The following LYPLA1 variants were observed in gnomAD, a reference collection of about 807,000 sequenced individuals.
LYPLA1 encodes acyl-protein thioesterase 1.
LYPLA1 carries 17 observed loss-of-function variants against 34.0 expected under a neutral mutation model. The observed-to-expected ratio is 0.50, with a 90% CI of 0.34 to 0.75. The LOEUF (loss-of-function observed/expected upper bound fraction) is 0.75. Among genes scored for constraint, LYPLA1 ranks in the 30% least tolerant of loss-of-function variants. The pLI is 0.01. For missense variants in LYPLA1, 203 were observed against 288.8 expected (o/e 0.70, Z 2.15); for synonymous variants, 98 against 100.8 (o/e 0.97, Z 0.17).
rs1327761962 is a variant in LYPLA1 at position 54,100,922 on chromosome 8, T to A, written c.87A>T (p.Gly29=). Residue 29 remains glycine, a synonymous_variant, in exon 2 of 9, where the codon GGA becomes GGT. Transcript: ENST00000316963. ...ATGGTACCTACCCAGTATCTCCCAA[T>A]CCATGCAGGAAAATCACCTATAAGA... ...KATAAVIFLH[G]LGDTGHGWAE... 1.2e-6 allele frequency: 2 copies of A among 1,609,870 alleles called. No individual in the cohort carries two copies. The highest frequency in any genetic ancestry group is 1.7e-6 in the Non-Finnish European group (2 of 1,176,276).
chr8:54,073,421 G>A (rs1254622772), intron 2 of LYPLA1: 3 of 775,250 alleles, frequency 3.9e-6, no homozygotes, highest in East Asian at 2.4e-5. Flanking sequence ...GGCCAGCTCC[G>A]CTGCTTTCCT....
intron 7 of LYPLA1, among the ~76,000 whole-genome samples, chr8:54,051,979 T>C (rs776904496): frequency 9.9e-5 from 15 of 151,686 alleles, no homozygotes; most frequent in South Asian, 2.1e-4. Flanking sequence ...GCCTCCTGAG[T>C]AGCTGGGATT....
chr8:54,044,000 T>C (rs1805426534), downstream of LYPLA1, among the ~76,000 whole-genome samples: 1 of 152,072 alleles, frequency 6.6e-6, no homozygotes, highest in Non-Finnish European at 1.5e-5. Flanking sequence ...CAAGTGATTG[T>C]CTTGCCTCAG....
intron 2 of LYPLA1, among the ~76,000 whole-genome samples, chr8:54,066,908 C>G (rs1360821371): frequency 1.3e-5 from 2 of 152,310 alleles, no homozygotes; most frequent in East Asian, 3.8e-4. Context: ...GGCACAGTGG[C>G]TCATGCTTAC....
chr8:54,069,381 TG>T (rs779105691), intron 2 of LYPLA1, among the ~76,000 whole-genome samples: 3 of 152,130 alleles, frequency 2.0e-5, no homozygotes, highest in Non-Finnish European at 2.9e-5. Flanking sequence ...TGAACAATTA[TG>T]TATCAACTAA....
intron 2 of LYPLA1, among the ~76,000 whole-genome samples, chr8:54,098,820 A>G (rs886538416): frequency 6.6e-6 from 1 of 152,254 alleles, no homozygotes; most frequent in Non-Finnish European, 1.5e-5. Flanking sequence ...AACTGCAGGT[A>G]AGGGGAGACT....
chr8:54,092,914 G>A (rs2129367056), intron 2 of LYPLA1, among the ~76,000 whole-genome samples: 1 of 152,310 alleles, frequency 6.6e-6, no homozygotes, highest in African/African-American at 2.4e-5. Context: ...TAATATGGGT[G>A]TAGAACAGAG....
chr8:54,066,724 T>C (rs1563597569), intron 2 of LYPLA1, among the ~76,000 whole-genome samples: 1 of 150,050 alleles, frequency 6.7e-6, no homozygotes, highest in Non-Finnish European at 1.5e-5. Context: ...GAGGCTGCAG[T>C]GAGCCGAGAT....
chr8:54,100,794 T>C (rs1273629193), intron 2 of LYPLA1, 114 bp downstream of exon 2: 11 of 838,536 alleles, frequency 1.3e-5, no homozygotes, highest in Non-Finnish European at 2.2e-5. Flanking sequence ...ATACATTAAC[T>C]GGCAATCTTA....
At chr8:54,054,162 T>C (rs1806039617) in intron 6 of LYPLA1, among the ~76,000 whole-genome samples, 1 of 152,110 alleles carries the variant, frequency 6.6e-6, no homozygotes, top group African/African-American at 2.4e-5. Flanking sequence ...TTTGTATTTT[T>C]AGTAGAGACA....
chr8:54,065,747 C>T lies in LYPLA1; in HGVS notation c.167+1G>A, dbSNP rs1346569181. On this transcript the variant is annotated splice_donor_variant, in intron 3 of 8. Transcript: ENST00000316963. LOFTEE classifies it high-confidence loss of function. ...CAAGCCTGAAGATCAGAAATACTCA[C>T]GCATGCGGGCAGATATATTTGATAT... 5.6e-6 allele frequency: 9 copies of T among 1,612,570 alleles called. No individual in the cohort carries two copies. Among genetic ancestry groups the T allele is most frequent in the East Asian group, 2.2e-5 (1 of 44,874 alleles).
downstream of LYPLA1, among the ~76,000 whole-genome samples, chr8:54,043,568 C>T (rs1805421967): frequency 6.6e-6 from 1 of 151,608 alleles, no homozygotes; most frequent in Non-Finnish European, 1.5e-5. Flanking sequence ...ACCACCGCAC[C>T]TGACCCTATT....
chr8:54,086,555 CA>C (rs1220626412), intron 2 of LYPLA1, among the ~76,000 whole-genome samples: 5,590 of 64,538 alleles, frequency 0.087, 449 homozygotes, highest in African/African-American at 0.29. Flanking sequence ...CAAAGGGTAC[CA>C]AAAAAAAAAA....
At chr8:54,060,818 G>C (rs1332953976) in intron 5 of LYPLA1, among the ~76,000 whole-genome samples, 1 of 143,904 alleles carries the variant, frequency 6.9e-6, no homozygotes, top group Admixed American at 7.1e-5. Flanking sequence ...TCAGCCTCCT[G>C]AGTAACTGGG....
intron 1 of LYPLA1, chr8:54,101,252 T>A (rs985234725): frequency 1.4e-6 from 1 of 725,354 alleles, no homozygotes. Flanking sequence ...ACATCTCACA[T>A]ATCCTGTAGA....
Position 54,086,578 on chromosome 8 carries a change from A to G in LYPLA1, c.101+14330T>C, listed in dbSNP as rs1019895270. Among the ~76,000 whole-genome samples the G allele has an allele frequency of 1.2e-4, 17 of 139,518 alleles. No individual in the cohort carries two copies. The East Asian group carries it at 3.9e-3, about 32-fold the overall frequency. 91.5% of individuals were successfully genotyped at this position (139,518 alleles called of 152,430 possible). A position where few individuals can be genotyped will look rare whatever the true frequency, so the allele number is the denominator to read the frequency against. On this transcript the variant is annotated intron_variant, in intron 2 of 8. Transcript: ENST00000316963. Reference sequence around the variant, plus strand: ...ACCAAAAAAAAAAAAAAAAAAAAAAAGACAGCCAGGTGTGATGGCTCACAC... The same window carrying G: ...ACCAAAAAAAAAAAAAAAAAAAAAAGGACAGCCAGGTGTGATGGCTCACAC...
At position 54,084,133 on chromosome 8, in the gene LYPLA1, A is replaced by AAAATATATAT. The variant is rs1373090573; in HGVS notation, c.101+16774_101+16775insATATATATTT. ...AGCCTGGGAGACCAAAGAAAAAAAA[A>AAAATATATAT]ATAAATAAATATATATATATATATA... is the stretch of plus-strand genomic sequence containing the variant. On this transcript the variant is annotated intron_variant, in intron 2 of 8. Coordinates refer to ENST00000316963, the MANE Select transcript of LYPLA1 (RefSeq NM_006330.4). 1.7e-5 allele frequency among the ~76,000 whole-genome samples: 2 copies of AAAATATATAT among 120,482 alleles called. 1 individual carries two copies. Among genetic ancestry groups the AAAATATATAT allele is most frequent in the African/African-American group, 9.2e-5 (2 of 21,624 alleles). 79.0% of individuals were successfully genotyped at this position (120,482 alleles called of 152,430 possible).
At chr8:54,072,524 T>G (rs189599560) in intron 2 of LYPLA1, among the ~76,000 whole-genome samples, 13 of 152,144 alleles carry the variant, frequency 8.5e-5, no homozygotes, top group Admixed American at 8.5e-4. Context: ...ATAAGGAACT[T>G]AAATTTACAA....
intron 3 of LYPLA1, among the ~76,000 whole-genome samples, chr8:54,065,372 C>T (rs1013637167): frequency 3.3e-5 from 5 of 151,840 alleles, no homozygotes; most frequent in Non-Finnish European, 7.4e-5. Flanking sequence ...GCAGGAGAAT[C>T]GCTTGAACCC....
Sources: allele counts gnomAD v4.1 joint callset (sites outside exome capture counted in the v4.1 genomes callset), GRCh38; gene constraint gnomAD v4.1.1; transcripts MANE v1.5; gene names NCBI Gene and HGNC (gene_info 2026-07-23, HGNC 2026-07-21).